The following KCND3 variants were observed in gnomAD, a reference collection of about 807,000 sequenced individuals.
The protein encoded by KCND3 is potassium voltage-gated channel subfamily D member 3.
In KCND3, 9 loss-of-function variants were observed where a neutral mutation model predicts 51.1. That is an observed-to-expected ratio of 0.18 (90% CI 0.11 to 0.31). The LOEUF is 0.31. Among genes scored for constraint, KCND3 ranks in the 10% least tolerant of loss-of-function variants. The pLI, the probability that KCND3 is intolerant of heterozygous loss-of-function variation, is 1.00. For synonymous variants in KCND3, 349 were observed against 368.0 expected (o/e 0.95, Z 0.59); for missense variants, 526 against 903.8 (o/e 0.58, Z 5.36).
At position 111,896,358 on chromosome 1, in the gene KCND3, A is replaced by G. The variant is rs968224853; in HGVS notation, c.1106+85263T>C. 3.3e-5 allele frequency among the ~76,000 whole-genome samples: 5 copies of G among 152,204 alleles called. 1 individual carries two copies. Among genetic ancestry groups the G allele is most frequent in the African/African-American group, 1.2e-4 (5 of 41,444 alleles). ...CAGAAGATCTCAGCTCGCTGTCATT[A>G]CTATTTTATTTTTAATACCATTTGA... On this transcript the variant is annotated intron_variant, in intron 2 of 7. Coordinates refer to ENST00000302127, the MANE Select transcript of KCND3 (RefSeq NM_001378969.1).
intron 2 of KCND3, among the ~76,000 whole-genome samples, chr1:111,867,755 G>A (rs1359144594): frequency 6.6e-6 from 1 of 152,242 alleles, no homozygotes; most frequent in Non-Finnish European, 1.5e-5. Context: ...TGATAGAGGT[G>A]AAGAGTAGAA....
At chr1:111,884,236 C>G (rs1397126251) in intron 2 of KCND3, among the ~76,000 whole-genome samples, 1 of 152,154 alleles carries the variant, frequency 6.6e-6, no homozygotes, top group Non-Finnish European at 1.5e-5. Context: ...AAAGTTTCAA[C>G]TCAATTCTCT....
intron 2 of KCND3, among the ~76,000 whole-genome samples, chr1:111,885,060 C>A (rs960398311): frequency 6.6e-6 from 1 of 152,178 alleles, no homozygotes; most frequent in East Asian, 1.9e-4. Context: ...TAAAAATCTT[C>A]CCTAGTTGAG....
intron 2 of KCND3, among the ~76,000 whole-genome samples, chr1:111,852,005 C>T (rs956978502): frequency 6.6e-6 from 1 of 152,226 alleles, no homozygotes; most frequent in African/African-American, 2.4e-5. Flanking sequence ...ATCTCTACAG[C>T]TGCCACTGTC....
intron 2 of KCND3, among the ~76,000 whole-genome samples, chr1:111,810,606 G>A (rs1408787840): frequency 2.0e-5 from 3 of 152,216 alleles, no homozygotes; most frequent in African/African-American, 7.2e-5. Flanking sequence ...GGTGGAAAAT[G>A]TCTCTTTCCA....
intron 1 of KCND3, among the ~76,000 whole-genome samples, chr1:111,984,634 A>T (rs149226844): frequency 2.0e-3 from 305 of 152,266 alleles, no homozygotes; most frequent in African/African-American, 7.0e-3. Flanking sequence ...CTACAAAATA[A>T]AGTCCAAACT....
Position 111,946,506 on chromosome 1 carries a change from C to T in KCND3, c.1106+35115G>A, listed in dbSNP as rs370669329. The stretch of plus-strand genomic sequence containing the variant: ...CCTCCTTGGCACTGGGAAGGGCAGC[C>T]GGCCTTTCTTGATGACCATTCAAAG... On this transcript the variant is annotated intron_variant, in intron 2 of 7. Coordinates refer to ENST00000302127, the MANE Select transcript of KCND3 (RefSeq NM_001378969.1). 1.1e-4 allele frequency among the ~76,000 whole-genome samples: 16 copies of T among 152,262 alleles called. No individual in the cohort carries two copies. The East Asian group carries it at 1.7e-3, about 17-fold the overall frequency.
chr1:111,825,002 C>T (rs1338589513), intron 2 of KCND3, among the ~76,000 whole-genome samples: 1 of 152,178 alleles, frequency 6.6e-6, no homozygotes, highest in Non-Finnish European at 1.5e-5. Flanking sequence ...GGACCCAGAC[C>T]AAACCCCTGA....
At chr1:111,859,387 A>T (rs1296312633) in intron 2 of KCND3, among the ~76,000 whole-genome samples, 1 of 152,212 alleles carries the variant, frequency 6.6e-6, no homozygotes. Flanking sequence ...ATCGCGGGAA[A>T]GGAGAGGTTG....
At position 111,773,355 on chromosome 1, in the gene KCND3, T is replaced by G. The variant is rs1663990496; in HGVS notation, c.*2722A>C. ...TTCTAACCCTGTAATGATCTGTTCT[T>G]AAATTCATCACAGGAAGTTTGTATG... On this transcript the variant is annotated 3_prime_UTR_variant, in exon 8 of 8. Transcript: ENST00000302127. 6.6e-6 allele frequency: 1 copy of G among 152,110 alleles called. No homozygotes were observed. The highest frequency in any genetic ancestry group is 1.5e-5 in the Non-Finnish European group (1 of 68,024). 9.4% of individuals were successfully genotyped at this position (152,110 alleles called of 1,614,324 possible). A position where few individuals can be genotyped will look rare whatever the true frequency, so the allele number is the denominator to read the frequency against.
At chr1:111,894,177 G>A (rs973479104) in intron 2 of KCND3, among the ~76,000 whole-genome samples, 15 of 152,142 alleles carry the variant, frequency 9.9e-5, no homozygotes, top group Non-Finnish European at 1.9e-4. Context: ...TCAACTCCAC[G>A]TGCCTCTGCC....
intron 2 of KCND3, among the ~76,000 whole-genome samples, chr1:111,806,349 G>A (rs560082571): frequency 3.3e-5 from 5 of 152,164 alleles, no homozygotes; most frequent in Non-Finnish European, 5.9e-5. Flanking sequence ...ATTCTCCTCT[G>A]AACTCTCACC....
chr1:111,814,482 T>C (rs1413209959), intron 2 of KCND3, among the ~76,000 whole-genome samples: 3 of 152,226 alleles, frequency 2.0e-5, no homozygotes, highest in African/African-American at 7.2e-5. Flanking sequence ...AGGCCTGAAC[T>C]GTGTCGACAT....
At chr1:111,899,376 G>A (rs1486758648) in intron 2 of KCND3, among the ~76,000 whole-genome samples, 1 of 152,210 alleles carries the variant, frequency 6.6e-6, no homozygotes, top group Non-Finnish European at 1.5e-5. Flanking sequence ...TTTTCCTTCT[G>A]CTCAATGAGC....
intron 2 of KCND3, among the ~76,000 whole-genome samples, chr1:111,803,266 C>T (rs1340684516): frequency 6.6e-6 from 1 of 152,180 alleles, no homozygotes; most frequent in Non-Finnish European, 1.5e-5. Flanking sequence ...TGGGACACCT[C>T]TGCCTCTCCA....
At chr1:111,969,284 C>A (rs1571920331) in intron 2 of KCND3, among the ~76,000 whole-genome samples, 1 of 152,130 alleles carries the variant, frequency 6.6e-6, no homozygotes, top group Non-Finnish European at 1.5e-5. Context: ...GAACCTGTGC[C>A]AACAGAGCCC....
In KCND3 at chr1:111,988,694, A is replaced by C. The variant is rs146880958; in HGVS notation, c.-73+811T>G. ...ATGCCTGGTCTTACAAACAGATCGC[A>C]TTGTGCCTAGGACCCCGAGAAAGTT... On this transcript the variant is annotated intron_variant, in intron 1 of 7. Coordinates refer to ENST00000302127, the MANE Select transcript of KCND3 (RefSeq NM_001378969.1). 11 of 152,336 alleles carry C rather than the reference A, an allele frequency of 7.2e-5. No individual in the cohort carries two copies. In the East Asian group the frequency reaches 2.1e-3, roughly 29 times the overall value. The allele number at this position is 152,336 out of a possible 1,614,324, so 9.4% of individuals were successfully genotyped here. A position where few individuals can be genotyped will look rare whatever the true frequency, so the allele number is the denominator to read the frequency against.
At chr1:111,870,482 C>T (rs1220683795) in intron 2 of KCND3, among the ~76,000 whole-genome samples, 1 of 152,150 alleles carries the variant, frequency 6.6e-6, no homozygotes, top group Non-Finnish European at 1.5e-5. Context: ...ATAACAAAGG[C>T]TTATGGCTTC....
Position 111,776,251 on chromosome 1 carries a change from G to A in KCND3, c.1794C>T (p.Asp598=), listed in dbSNP as rs181971539. The change falls in exon 8 of 8, where the codon GAC becomes GAT. Residue 598 remains aspartate (D), a synonymous_variant. Coordinates refer to ENST00000302127, the MANE Select transcript of KCND3 (RefSeq NM_001378969.1). The stretch of plus-strand genomic sequence containing the variant: ...TTTTGCAGTTTGGTCTCAGTCCGTC[G>A]TCTGCTTTCAAATTAAGGCTGGAGC... The part of the protein sequence containing the change: ...TSRSSLNLKA[D]DGLRPNCKTS... The A allele has an allele frequency of 2.2e-5, 36 of 1,614,130 alleles. No individual in the cohort carries two copies. Among genetic ancestry groups the A allele is most frequent in the African/African-American group, 9.3e-5 (7 of 75,030 alleles).
Sources: gnomAD v4.1 joint callset for allele counts (sites outside exome capture counted in the v4.1 genomes callset) on GRCh38, gnomAD v4.1.1 for gene constraint, MANE v1.5 for transcripts, NCBI Gene and HGNC (gene_info 2026-07-23, HGNC 2026-07-21) for gene names.